The following CACNA2D4 variants were observed in gnomAD, a reference collection of about 807,000 sequenced individuals.
The protein encoded by CACNA2D4 is voltage-dependent calcium channel subunit alpha-2/delta-4.
In CACNA2D4, 157 loss-of-function variants were observed where a neutral mutation model predicts 163.8. The observed-to-expected ratio is 0.96, with a 90% CI of 0.84 to 1.09. The LOEUF (loss-of-function observed/expected upper bound fraction) is 1.09, where lower values mean the gene tolerates loss of function less well. Ranked by LOEUF, CACNA2D4 falls within the 50% of genes least tolerant of loss-of-function variation. The pLI, the probability that CACNA2D4 is intolerant of heterozygous loss-of-function variation, is 0.00. For missense variants in CACNA2D4, 1,410 were observed against 1,479.9 expected (o/e 0.95, Z 0.78); for synonymous variants, 598 against 586.9 (o/e 1.02, Z -0.27).
In CACNA2D4 at chr12:1,913,019, G is replaced by A; in HGVS notation, c.426+4C>T. ...ACGCCCTGCAGATCACAGGCCTGGA[G>A]TACCTGGACCGCCTCGACTTTCCTC... On this transcript the variant is annotated splice_donor_region_variant and intron_variant, in intron 3 of 37. Transcript: ENST00000382722. 6.3e-7 allele frequency: 1 copy of A among 1,598,502 alleles called. No individual in the cohort carries two copies. The highest frequency in any genetic ancestry group is 8.6e-7 in the Non-Finnish European group (1 of 1,165,900).
chr12:1,825,986 G>A (rs1051283013), intron 26 of CACNA2D4, among the ~76,000 whole-genome samples: 1 of 152,194 alleles, frequency 6.6e-6, no homozygotes, highest in Non-Finnish European at 1.5e-5. Context: ...GAGCGTGCAC[G>A]CTGCTGTTTG....
At chr12:1,837,920 G>C (rs1864918380) in intron 26 of CACNA2D4, among the ~76,000 whole-genome samples, 1 of 152,210 alleles carries the variant, frequency 6.6e-6, no homozygotes, top group Non-Finnish European at 1.5e-5. Flanking sequence ...GGCTGGGCCT[G>C]TACTGAGGCT....
Position 1,809,782 on chromosome 12 carries a change from G to A in CACNA2D4, c.2721+496C>T, listed in dbSNP as rs150404092. On this transcript the variant is annotated intron_variant, in intron 29 of 37. Transcript: ENST00000382722. ...TTTCTTCTCTGACACACCGAAGGCC[G>A]GGCGTGGTGGGTGAGAGTATAATTT... is the stretch of plus-strand genomic sequence containing the variant. Among the ~76,000 whole-genome samples the A allele has an allele frequency of 9.9e-4, 151 of 152,342 alleles. 1 individual carries two copies. The highest frequency in any genetic ancestry group is 3.3e-3 in the African/African-American group (138 of 41,580).
intron 26 of CACNA2D4, among the ~76,000 whole-genome samples, chr12:1,819,149 G>A (rs781304788): frequency 1.3e-5 from 2 of 152,172 alleles, no homozygotes; most frequent in Non-Finnish European, 1.5e-5. Flanking sequence ...TGCAGGGGGC[G>A]TTTAAGGAAG....
At chr12:1,860,365 A>T (rs538709076) in intron 18 of CACNA2D4, among the ~76,000 whole-genome samples, 159 bp from the exon 19 acceptor site, 3 of 152,248 alleles carry the variant, frequency 2.0e-5, no homozygotes, top group East Asian at 3.9e-4. Context: ...TCCTAGTGAC[A>T]CCCATAGGCA....
Position 1,914,898 on chromosome 12 carries a change from A to G in CACNA2D4, c.265T>C (p.Tyr89His), listed in dbSNP as rs1361626134. 6.2e-7 allele frequency: 1 copy of G among 1,613,850 alleles called. No individual in the cohort carries two copies. ...CCTGAGTATTTGGTCACAGTGTTAT[A>G]CAGGTCCCCGCCGAAGGTGTCAGCC... Reference protein sequence around the residue: ...LWADTFGGDLYNTVTKYSGSL... With the variant: ...LWADTFGGDLHNTVTKYSGSL... The change falls in exon 2 of 38, where the codon TAT becomes CAT. Residue 89 changes from tyrosine to histidine, a missense_variant. Physicochemically the swap from Tyr to His is moderately conservative, Grantham distance 83. Coordinates refer to ENST00000382722, the MANE Select transcript of CACNA2D4 (RefSeq NM_172364.5).
chr12:1,811,744 G>A (rs754082951), intron 26 of CACNA2D4, 21 bp from the exon 27 acceptor site: 1 of 1,557,332 alleles, frequency 6.4e-7, no homozygotes, highest in South Asian at 1.2e-5. Flanking sequence ...GAAAGAGAGA[G>A]GGCAAGGCCA....
intron 18 of CACNA2D4, among the ~76,000 whole-genome samples, chr12:1,861,972 T>C (rs376642847): frequency 6.6e-6 from 1 of 152,350 alleles, no homozygotes; most frequent in South Asian, 2.1e-4. Context: ...TCTTATAGTA[T>C]GACACACACA....
rs1475533225 is a variant in CACNA2D4 at position 1,869,507 on chromosome 12, A to G, written c.1878+5097T>C. Among the ~76,000 whole-genome samples the G allele has an allele frequency of 6.6e-6, 1 of 152,186 alleles. No individual in the cohort carries two copies. Among genetic ancestry groups the G allele is most frequent in the Non-Finnish European group, 1.5e-5 (1 of 68,022 alleles). Reference sequence around the variant, plus strand: ...GCCATCCTGATGGGTAGAGTTGGTGAGTGACAGATGTGGGTTTCAGTTTGT... The same window carrying G: ...GCCATCCTGATGGGTAGAGTTGGTGGGTGACAGATGTGGGTTTCAGTTTGT... On this transcript the variant is annotated intron_variant, in intron 18 of 37. Transcript: ENST00000382722. This position sits in a 1 kb window ranked among gnomAD's most constrained non-coding sequence, Gnocchi z 4.7.
Position 1,856,228 on chromosome 12 carries a change from G to C in CACNA2D4, c.2010C>G (p.Gly670=), listed in dbSNP as rs2154448374. The change falls in exon 21 of 38, where the codon GGC becomes GGG. Residue 670 remains glycine, a splice_region_variant and synonymous_variant. Coordinates refer to ENST00000382722, the MANE Select transcript of CACNA2D4 (RefSeq NM_172364.5). The part of the protein sequence containing the change: ...ILLGNTSVEE[G]LHDLLHPDLA... ...GGTCTGGGTGAAGCAAGTCATGCAG[G>C]CCTGAAACCAGAGTCCACATTCAGG... is the stretch of plus-strand genomic sequence containing the variant. The C allele has an allele frequency of 4.3e-6, 7 of 1,613,996 alleles. No individual in the cohort carries two copies. The highest frequency in any genetic ancestry group is 5.9e-6 in the Non-Finnish European group (7 of 1,179,882).
In CACNA2D4 at chr12:1,844,913, C is replaced by A. The variant is rs1472944821; in HGVS notation, c.2343-384G>T. Reference sequence around the variant, plus strand: ...CACTAATAGGAGGGCATCAATCCCCCCAAATGGTTCCTTCAACAGGATTGC... The same window carrying A: ...CACTAATAGGAGGGCATCAATCCCCACAAATGGTTCCTTCAACAGGATTGC... On this transcript the variant is annotated intron_variant, in intron 24 of 37. Coordinates refer to ENST00000382722, the MANE Select transcript of CACNA2D4 (RefSeq NM_172364.5). The surrounding 1 kb of genome is among the most constrained non-coding windows in gnomAD (Gnocchi z 4.2). Among the ~76,000 whole-genome samples the A allele has an allele frequency of 1.3e-5, 2 of 152,182 alleles. No homozygotes were observed. Among genetic ancestry groups the A allele is most frequent in the South Asian group, 2.1e-4 (1 of 4,832 alleles).
intron 9 of CACNA2D4, 59 bp downstream of exon 9, chr12:1,885,906 C>T (rs528152013): frequency 1.8e-5 from 22 of 1,257,074 alleles, no homozygotes; most frequent in East Asian, 4.7e-5. Context: ...CAGAGACAAC[C>T]GCCCACCATC....
At chr12:1,867,216 T>G (rs1865671077) in intron 18 of CACNA2D4, among the ~76,000 whole-genome samples, 1 of 152,168 alleles carries the variant, frequency 6.6e-6, no homozygotes, top group Non-Finnish European at 1.5e-5. Flanking sequence ...CTGAGATTCT[T>G]GGATCTGTAG....
In CACNA2D4 at chr12:1,914,853, C is replaced by T. The variant is rs928227505; in HGVS notation, c.309+1G>A. ...GGGCTCTCTGGAAGGGGGTGACTGACCTTCTGCAGCAAGAGAGAGCCTGAG... is the reference window on the plus strand; with the variant it reads ...GGGCTCTCTGGAAGGGGGTGACTGATCTTCTGCAGCAAGAGAGAGCCTGAG... On this transcript the variant is annotated splice_donor_variant, in intron 2 of 37. Transcript: ENST00000382722. LOFTEE classifies it high-confidence loss of function. 1 of 1,611,550 alleles carries T rather than the reference C, an allele frequency of 6.2e-7. No individual in the cohort carries two copies. Among genetic ancestry groups the T allele is most frequent in the South Asian group, 1.1e-5 (1 of 91,030 alleles).
Position 1,828,090 on chromosome 12 carries a change from GCACCCAGGGGCTCCT to G in CACNA2D4, c.2551+12634_2551+12648del. 6.9e-7 allele frequency: 1 copy of G among 1,439,688 alleles called. No homozygotes were observed. Among genetic ancestry groups the G allele is most frequent in the South Asian group, 1.4e-5 (1 of 70,914 alleles). The allele number at this position is 1,439,688 out of a possible 1,614,324, so 89.2% of individuals were successfully genotyped here. On this transcript the variant is annotated intron_variant, in intron 26 of 37. Transcript: ENST00000382722. This position sits in a 1 kb window ranked among gnomAD's most constrained non-coding sequence, Gnocchi z 4.2. ...CCCTCCCTCAGGACTGACAGGCGGC[GCACCCAGGGGCTCCT>G]CTCTCCCCAGAGCGACAGGGCCCGG...
Position 1,913,103 on chromosome 12 carries a change from C to G in CACNA2D4, c.346G>C (p.Glu116Gln). Residue 116 changes from glutamate (E) to glutamine (Q), a missense_variant, in exon 3 of 38, where the codon GAG becomes CAG. Physicochemically the swap from Glu to Gln is conservative, Grantham distance 29 (BLOSUM62 2). Coordinates refer to ENST00000382722, the MANE Select transcript of CACNA2D4 (RefSeq NM_172364.5). ...CTCACCAGCTCCAAGCCATCCACCT[C>G]CTCGATCTTCAGACTGGACTCCACA... ...KDVESSLKIE[E>Q]VDGLELVRKF... is the part of the protein sequence containing the mutation. 1 of 1,613,852 alleles carries G rather than the reference C, an allele frequency of 6.2e-7. No homozygotes were observed. Among genetic ancestry groups the G allele is most frequent in the South Asian group, 1.1e-5 (1 of 91,086 alleles).
chr12:1,910,761 G>A (rs190057424), intron 3 of CACNA2D4, among the ~76,000 whole-genome samples: 2 of 152,260 alleles, frequency 1.3e-5, no homozygotes, highest in African/African-American at 4.8e-5. Flanking sequence ...AAATGGTCAC[G>A]TATTGTATGA....
Position 1,844,557 on chromosome 12 carries a change from C to T in CACNA2D4, c.2343-28G>A. On this transcript the variant is annotated intron_variant, in intron 24 of 37. Transcript: ENST00000382722. This position sits in a 1 kb window ranked among gnomAD's most constrained non-coding sequence, Gnocchi z 4.2. ...GCAAGGAGGAAGATGTGGTACCTCTCCCCAGATCTGTGAACACAGTCATCA... is the reference window on the plus strand; with the variant it reads ...GCAAGGAGGAAGATGTGGTACCTCTTCCCAGATCTGTGAACACAGTCATCA... The T allele has an allele frequency of 6.2e-7, 1 of 1,604,378 alleles. No homozygotes were observed. The highest frequency in any genetic ancestry group is 1.3e-5 in the African/African-American group (1 of 74,916).
At chr12:1,879,067 A>T in intron 14 of CACNA2D4, 31 bp from the exon 15 acceptor site, 8 of 1,585,950 alleles carry the variant, frequency 5.0e-6, no homozygotes, top group Non-Finnish European at 6.9e-6. Context: ...GGTGGGGGAG[A>T]CCCAGCTTCC....
Sources: gnomAD v4.1 joint callset for allele counts (sites outside exome capture counted in the v4.1 genomes callset) on GRCh38, gnomAD v4.1.1 for gene constraint, Gnocchi (gnomAD v3.1) non-coding constraint, MANE v1.5 for transcripts, NCBI Gene and HGNC (gene_info 2026-07-23, HGNC 2026-07-21) for gene names.